Variants in IPCEF1 observed in about 807,000 individuals in gnomAD.
The protein encoded by IPCEF1 is interaction protein for cytohesin exchange factors 1.
In IPCEF1, 31 loss-of-function variants were observed where a neutral mutation model predicts 50.9. That is an observed-to-expected ratio of 0.61 (90% CI 0.46 to 0.82). The LOEUF (loss-of-function observed/expected upper bound fraction) is 0.82. Among genes scored for constraint, IPCEF1 ranks in the 40% least tolerant of loss-of-function variants. The pLI is 0.00. For synonymous variants in IPCEF1, 181 were observed against 192.0 expected (o/e 0.94, Z 0.47); for missense variants, 458 against 514.0 (o/e 0.89, Z 1.05).
intron 9 of IPCEF1, among the ~76,000 whole-genome samples, chr6:154,200,938 G>T (rs1457615355): frequency 2.0e-5 from 3 of 152,156 alleles, no homozygotes; most frequent in African/African-American, 7.2e-5. Flanking sequence ...ACATGTCGAG[G>T]GAGGGACCTG....
chr6:154,291,682 T>G (rs988367314), intron 1 of IPCEF1, among the ~76,000 whole-genome samples: 3 of 137,370 alleles, frequency 2.2e-5, no homozygotes, highest in African/African-American at 5.4e-5. Flanking sequence ...CAGGAAAGGT[T>G]TTTTTTTTTT....
At chr6:154,249,681 C>G (rs757333167) in intron 3 of IPCEF1, among the ~76,000 whole-genome samples, 1 of 152,064 alleles carries the variant, frequency 6.6e-6, no homozygotes, top group Non-Finnish European at 1.5e-5. Context: ...CTCCTTCCAT[C>G]GCTCCCAGCT....
At chr6:154,189,216 T>C (rs1205415182) in intron 10 of IPCEF1, among the ~76,000 whole-genome samples, 1 of 152,156 alleles carries the variant, frequency 6.6e-6, no homozygotes, top group Non-Finnish European at 1.5e-5. Context: ...ACCTGCCAAT[T>C]TTGCAAAAAT....
intron 1 of IPCEF1, among the ~76,000 whole-genome samples, chr6:154,298,558 A>G (rs899982655): frequency 1.4e-4 from 22 of 152,260 alleles, no homozygotes; most frequent in Non-Finnish European, 2.9e-4. Context: ...CAACTGAAAA[A>G]TGACTCAAAC....
chr6:154,210,545 G>A (rs1276603335), intron 9 of IPCEF1, among the ~76,000 whole-genome samples: 1 of 152,110 alleles, frequency 6.6e-6, no homozygotes, highest in African/African-American at 2.4e-5. Context: ...GTCTTTAGAG[G>A]CATTAAAGGG....
At chr6:154,184,984 A>G (rs1801208989) in intron 10 of IPCEF1, among the ~76,000 whole-genome samples, 1 of 152,222 alleles carries the variant, frequency 6.6e-6, no homozygotes, top group Non-Finnish European at 1.5e-5. Flanking sequence ...TACCAGGGCC[A>G]GCCTGTCTGC....
chr6:154,338,630 C>T (rs1783839207), intron 1 of IPCEF1, among the ~76,000 whole-genome samples: 1 of 152,192 alleles, frequency 6.6e-6, no homozygotes, highest in African/African-American at 2.4e-5. Flanking sequence ...AACGTCTGAT[C>T]TAGACCTCTA....
At position 154,356,680 on chromosome 6, in the gene IPCEF1, CAAAG is replaced by C. The variant is rs1271897794; in HGVS notation, c.-74_-71del. 6.6e-6 allele frequency: 1 copy of C among 152,148 alleles called. No homozygotes were observed. Among genetic ancestry groups the C allele is most frequent in the Non-Finnish European group, 1.5e-5 (1 of 68,028 alleles). 9.4% of individuals were successfully genotyped at this position (152,148 alleles called of 1,614,324 possible). A position where few individuals can be genotyped will look rare whatever the true frequency, so the allele number is the denominator to read the frequency against. ...GAAGTGACGTTACTTACATGCAATA[CAAAG>C]AGAGTAAATCCAAGAGCAGTCTTAT... On this transcript the variant is annotated 5_prime_UTR_variant, in exon 1 of 12. It removes the in-frame stop codon of an upstream open reading frame in the 5' UTR. Transcript: ENST00000367220.
intron 5 of IPCEF1, among the ~76,000 whole-genome samples, chr6:154,235,541 A>AT (rs1167768564): frequency 6.7e-6 from 1 of 149,138 alleles, no homozygotes; most frequent in East Asian, 2.4e-4. Flanking sequence ...CAAAAAAAAA[A>AT]AAAAAAAAAA....
chr6:154,291,918 C>T (rs964225935), intron 1 of IPCEF1, among the ~76,000 whole-genome samples: 1 of 151,982 alleles, frequency 6.6e-6, no homozygotes, highest in African/African-American at 2.4e-5. Flanking sequence ...CTCCTGACCT[C>T]GTGATCCACC....
chr6:154,238,595 C>G (rs1409955494), intron 5 of IPCEF1, among the ~76,000 whole-genome samples: 1 of 152,112 alleles, frequency 6.6e-6, no homozygotes, highest in Non-Finnish European at 1.5e-5. Flanking sequence ...TCATTTATTT[C>G]TCTCTGTGTG....
At chr6:154,205,470 C>T (rs1777415257) in intron 9 of IPCEF1, among the ~76,000 whole-genome samples, 2 of 152,092 alleles carry the variant, frequency 1.3e-5, no homozygotes, top group South Asian at 4.1e-4. Flanking sequence ...TGGTGCAAGC[C>T]TGTAATCCCA....
intron 9 of IPCEF1, among the ~76,000 whole-genome samples, chr6:154,200,384 A>C (rs1776963559): frequency 6.6e-6 from 1 of 152,226 alleles, no homozygotes; most frequent in South Asian, 2.1e-4. Flanking sequence ...ATAATTTGCA[A>C]TCTATCACTG....
chr6:154,194,632 C>T (rs1288605982), intron 10 of IPCEF1, among the ~76,000 whole-genome samples: 1 of 152,154 alleles, frequency 6.6e-6, no homozygotes, highest in Non-Finnish European at 1.5e-5. Context: ...CCAGTGACTT[C>T]CTACCACCTA....
At chr6:154,261,805 T>C (rs1395662023) in intron 3 of IPCEF1, among the ~76,000 whole-genome samples, 2 of 152,116 alleles carry the variant, frequency 1.3e-5, no homozygotes, top group Admixed American at 6.5e-5. Context: ...ACCTTAAAGG[T>C]ATATTCCTTC....
At chr6:154,190,852 C>T (rs1431500968) in intron 10 of IPCEF1, among the ~76,000 whole-genome samples, 3 of 152,082 alleles carry the variant, frequency 2.0e-5, no homozygotes, top group Non-Finnish European at 2.9e-5. Flanking sequence ...TCCAGGAGAT[C>T]GAGACCATCC....
chr6:154,239,449 T>C (rs917963889), intron 5 of IPCEF1, among the ~76,000 whole-genome samples: 7 of 152,242 alleles, frequency 4.6e-5, no homozygotes, highest in African/African-American at 1.7e-4. Context: ...AGTAACAGAA[T>C]TCAAGAAAGT....
chr6:154,234,643 T>G (rs1449212679), intron 5 of IPCEF1, among the ~76,000 whole-genome samples: 2 of 152,166 alleles, frequency 1.3e-5, no homozygotes, highest in African/African-American at 4.8e-5. Flanking sequence ...GTGGCTGGCA[T>G]CCTGTTCTAT....
chr6:154,166,757 A>G (rs144675388), intron 11 of IPCEF1, among the ~76,000 whole-genome samples: 15 of 152,300 alleles, frequency 9.8e-5, no homozygotes, highest in African/African-American at 2.4e-4. Flanking sequence ...ACTCACTCAT[A>G]TCAGCTATCA....
Sources: allele counts gnomAD v4.1 joint callset (sites outside exome capture counted in the v4.1 genomes callset), GRCh38; gene constraint gnomAD v4.1.1; transcripts MANE v1.5; gene names NCBI Gene and HGNC (gene_info 2026-07-23, HGNC 2026-07-21).